FAM107B: variants seen among roughly 807,000 people sequenced by gnomAD.
FAM107B encodes the protein family with sequence similarity 107 member B.
FAM107B carries 21 observed loss-of-function variants against 31.5 expected under a neutral mutation model. The ratio of observed to expected loss-of-function variants is 0.67; its 90% CI spans 0.47 to 0.96. The LOEUF (loss-of-function observed/expected upper bound fraction) is 0.96. FAM107B is among the 40% of genes least tolerant of loss of function. The pLI is 0.00. For synonymous variants in FAM107B, 157 were observed against 141.5 expected (o/e 1.11, Z -0.78); for missense variants, 452 against 377.1 (o/e 1.20, Z -1.64).
At chr10:14,659,967 C>T (rs1308047031) in intron 2 of FAM107B, among the ~76,000 whole-genome samples, 1 of 152,148 alleles carries the variant, frequency 6.6e-6, no homozygotes, top group Non-Finnish European at 1.5e-5. Context: ...GGGTTCGTTA[C>T]TTCACACTTA....
At chr10:14,617,909 A>C (rs1299776352) in intron 2 of FAM107B, among the ~76,000 whole-genome samples, 1 of 152,194 alleles carries the variant, frequency 6.6e-6, no homozygotes, top group African/African-American at 2.4e-5. Flanking sequence ...GGCGTGAAGC[A>C]CCAAACCCAG....
At chr10:14,686,559 T>C (rs7922034) in intron 1 of FAM107B, among the ~76,000 whole-genome samples, 106,208 of 152,022 alleles carry the variant, frequency 0.7, 37,352 homozygotes, top group Middle Eastern at 0.8. Flanking sequence ...CACTCAACAA[T>C]GCCTCTGGTT....
At chr10:14,719,744 C>T (rs932545239) in intron 1 of FAM107B, among the ~76,000 whole-genome samples, 4 of 148,302 alleles carry the variant, frequency 2.7e-5, no homozygotes, top group African/African-American at 9.7e-5. Flanking sequence ...TGTGGTTCCT[C>T]CTCCTGCCAG....
At chr10:14,620,776 G>A (rs12770153) in intron 2 of FAM107B, among the ~76,000 whole-genome samples, 60,417 of 151,972 alleles carry the variant, frequency 0.4, 12,638 homozygotes, top group East Asian at 0.7. Context: ...GTGAGAACAT[G>A]CCGCATTTAA....
At chr10:14,598,722 T>C (rs151069914) in intron 2 of FAM107B, among the ~76,000 whole-genome samples, 1 of 152,332 alleles carries the variant, frequency 6.6e-6, no homozygotes, top group African/African-American at 2.4e-5. Flanking sequence ...CGCAGTAACA[T>C]TTTGTAAAGA....
intron 2 of FAM107B, among the ~76,000 whole-genome samples, chr10:14,626,497 A>G (rs1853165953): frequency 3.0e-5 from 3 of 100,468 alleles, no homozygotes; most frequent in Admixed American, 1.3e-4. Flanking sequence ...TTTGAGGCGG[A>G]TCTTTTTTTT....
chr10:14,582,579 A>G (rs528682427), intron 2 of FAM107B, among the ~76,000 whole-genome samples: 53 of 151,068 alleles, frequency 3.5e-4, no homozygotes, highest in South Asian at 2.3e-3. Flanking sequence ...GGGTTTCACC[A>G]TGTTAACCAG....
At chr10:14,579,253 G>A (rs151176522) in intron 2 of FAM107B, among the ~76,000 whole-genome samples, 1 of 152,174 alleles carries the variant, frequency 6.6e-6, no homozygotes, top group African/African-American at 2.4e-5. Context: ...GCATCATTTG[G>A]AAACACCCAT....
At chr10:14,721,147 A>C (rs1436742811) in intron 1 of FAM107B, among the ~76,000 whole-genome samples, 4 of 152,186 alleles carry the variant, frequency 2.6e-5, no homozygotes, top group African/African-American at 9.6e-5. Context: ...TTCCAGCTTC[A>C]TCCATGTCCC....
chr10:14,535,096 C>T (rs747482616), intron 2 of FAM107B, among the ~76,000 whole-genome samples: 24 of 152,208 alleles, frequency 1.6e-4, no homozygotes, highest in Non-Finnish European at 3.2e-4. Context: ...TTATTACTGA[C>T]ATGAAACATC....
intron 2 of FAM107B, chr10:14,534,770 C>T (rs1847430307): frequency 6.6e-6 from 1 of 152,216 alleles, no homozygotes; most frequent in Admixed American, 6.5e-5. Context: ...ATTCGTCAAC[C>T]ACCGCCTTGT....
In FAM107B at chr10:14,542,291, T is replaced by G. The variant is rs770091930; in HGVS notation, c.470-11776A>C. ...TCTCAAAAAAAAAAAAAAAAAAAAGTATTGAATGAACAGGATAATACGGGC... is the reference window on the plus strand; with the variant it reads ...TCTCAAAAAAAAAAAAAAAAAAAAGGATTGAATGAACAGGATAATACGGGC... On this transcript the variant is annotated intron_variant, in intron 2 of 4. Transcript: ENST00000181796. Among the ~76,000 whole-genome samples, 164 of 143,730 alleles carry G rather than the reference T, an allele frequency of 1.1e-3. 1 individual carries two copies. The highest frequency in any genetic ancestry group is 2.1e-3 in the Non-Finnish European group (138 of 65,490). The allele number at this position is 143,730 out of a possible 152,430, so 94.3% of individuals were successfully genotyped here. A position where few individuals can be genotyped will look rare whatever the true frequency, so the allele number is the denominator to read the frequency against.
At chr10:14,633,634 A>G (rs1853422768) in intron 2 of FAM107B, among the ~76,000 whole-genome samples, 1 of 152,262 alleles carries the variant, frequency 6.6e-6, no homozygotes, top group Non-Finnish European at 1.5e-5. Flanking sequence ...CATTAGATAG[A>G]CTAAATTAAA....
At chr10:14,762,754 T>TCACACACA (rs35574582) in intron 1 of FAM107B, among the ~76,000 whole-genome samples, 71 of 116,226 alleles carry the variant, frequency 6.1e-4, no homozygotes, top group African/African-American at 1.7e-3. Context: ...AAACTCTGTC[T>TCACACACA]CACACACACA....
At chr10:14,632,407 C>T (rs1212996699) in intron 2 of FAM107B, among the ~76,000 whole-genome samples, 5 of 150,156 alleles carry the variant, frequency 3.3e-5, no homozygotes, top group South Asian at 2.1e-4. Context: ...GTCAGGAGAT[C>T]GAGACCATCC....
At chr10:14,751,906 G>A (rs1475815930) in intron 1 of FAM107B, among the ~76,000 whole-genome samples, 2 of 152,166 alleles carry the variant, frequency 1.3e-5, no homozygotes, top group Admixed American at 1.3e-4. Context: ...AGACCAGTGA[G>A]TTTCCCAAAT....
intron 2 of FAM107B, among the ~76,000 whole-genome samples, chr10:14,536,822 T>C (rs548585855): frequency 4.8e-4 from 73 of 152,194 alleles, no homozygotes; most frequent in Admixed American, 1.9e-3. Flanking sequence ...CTTCCCAGGA[T>C]GGTCATTTAA....
intron 2 of FAM107B, among the ~76,000 whole-genome samples, chr10:14,579,076 C>G (rs1851553631): frequency 6.6e-6 from 1 of 152,196 alleles, no homozygotes; most frequent in Non-Finnish European, 1.5e-5. Flanking sequence ...TGACAAACAC[C>G]TAGAAAAAAC....
intron 2 of FAM107B, among the ~76,000 whole-genome samples, chr10:14,650,910 C>G (rs1244698785): frequency 6.6e-6 from 1 of 152,194 alleles, no homozygotes; most frequent in African/African-American, 2.4e-5. Context: ...AGGATAAGTT[C>G]AGCGTTAAGT....
Sources: gnomAD v4.1 joint callset for allele counts (sites outside exome capture counted in the v4.1 genomes callset) on GRCh38, gnomAD v4.1.1 for gene constraint, MANE v1.5 for transcripts, NCBI Gene and HGNC (gene_info 2026-07-23, HGNC 2026-07-21) for gene names.